ANKRD42: variants seen among roughly 807,000 people sequenced by gnomAD.
The protein encoded by ANKRD42 is ankyrin repeat domain-containing protein 42.
In ANKRD42, 43 loss-of-function variants were observed where a neutral mutation model predicts 51.5. The observed-to-expected ratio is 0.83, with a 90% CI of 0.65 to 1.08. The LOEUF (loss-of-function observed/expected upper bound fraction) is 1.08. Among genes scored for constraint, ANKRD42 ranks in the 50% least tolerant of loss-of-function variants. The probability of loss-of-function intolerance (pLI) is 0.00; values close to 1 mark genes in which losing one functional copy is unlikely to be tolerated. For synonymous variants in ANKRD42, 203 were observed against 213.0 expected (o/e 0.95, Z 0.41); for missense variants, 608 against 629.3 (o/e 0.97, Z 0.36).
intron 6 of ANKRD42, 22 bp downstream of exon 6, chr11:83,225,077 T>G: frequency 6.3e-7 from 1 of 1,587,396 alleles, no homozygotes; most frequent in African/African-American, 1.3e-5. Context: ...AGTTATATGT[T>G]CTAGCATATA....
At chr11:83,263,985 G>A (rs1864088901), downstream of ANKRD42, among the ~76,000 whole-genome samples, 1 of 152,096 alleles carries the variant, frequency 6.6e-6, no homozygotes, top group African/African-American at 2.4e-5. Context: ...CTTTTAGACA[G>A]CAATTTGTTA....
intron 9 of ANKRD42, among the ~76,000 whole-genome samples, 194 bp from the exon 10 acceptor site, chr11:83,245,304 T>A (rs1863510540): frequency 6.6e-6 from 1 of 152,234 alleles, no homozygotes; most frequent in Non-Finnish European, 1.5e-5. Flanking sequence ...ATTTAGGTAT[T>A]CCATTGCGTG....
chr11:83,194,739 C>T lies in ANKRD42; in HGVS notation c.58+11C>T, dbSNP rs375143409. On this transcript the variant is annotated intron_variant, in intron 1 of 10. Transcript: ENST00000533342. ...AGACTGCAAACCCCTGTGAGTCAGA[C>T]TGTCATTGGCCTTCATCTCTGTCGT... 2.2e-5 allele frequency: 35 copies of T among 1,573,882 alleles called. No individual in the cohort carries two copies. In the East Asian group the frequency reaches 6.5e-4, roughly 29 times the overall value.
chr11:83,231,763 G>T (rs990657701), intron 7 of ANKRD42, among the ~76,000 whole-genome samples: 11 of 151,992 alleles, frequency 7.2e-5, no homozygotes, highest in South Asian at 6.2e-4. Context: ...TTTTTTTCTT[G>T]TGCATATGGA....
chr11:83,254,477 G>A (rs988424100), intron 11 of ANKRD42, among the ~76,000 whole-genome samples: 3 of 140,866 alleles, frequency 2.1e-5, no homozygotes, highest in Non-Finnish European at 3.0e-5. Flanking sequence ...TGTAGCACAA[G>A]CTGGAGTGCA....
chr11:83,218,919 T>G (rs967321634), intron 5 of ANKRD42, among the ~76,000 whole-genome samples: 5 of 152,260 alleles, frequency 3.3e-5, no homozygotes, highest in Non-Finnish European at 7.3e-5. Context: ...AAGGGTGTTA[T>G]AATTAATACT....
chr11:83,210,055 C>T (rs1209434582), intron 3 of ANKRD42: 1 of 377,078 alleles, frequency 2.7e-6, no homozygotes, highest in African/African-American at 2.1e-5. Flanking sequence ...CCATTTTATT[C>T]AAGAAATCTG....
rs994637595 is a variant in ANKRD42 at position 83,248,126 on chromosome 11, G to C, written c.1506G>C (p.Lys502Asn). The change falls in exon 11 of 11, where the codon AAG becomes AAC. Residue 502 changes from lysine to asparagine, a missense_variant. Transcript: ENST00000533342. ...TTAATACATTTATTTTTCTCAAGAA[G>C]TATATACAAGAGTGGCCAAGAGTAC... is the stretch of plus-strand genomic sequence containing the variant. The part of the protein sequence containing the change: ...VLFNTFIFLK[K>N]YIQEWPRVQA... 58 of 1,545,528 alleles carry C rather than the reference G, an allele frequency of 3.8e-5. No homozygotes were observed. The highest frequency in any genetic ancestry group is 5.5e-5 in the African/African-American group (4 of 73,036).
chr11:83,260,808 A>G (rs1372816418), downstream of ANKRD42: 2 of 152,210 alleles, frequency 1.3e-5, no homozygotes, highest in East Asian at 3.8e-4. Flanking sequence ...ATTACTTTGT[A>G]AGAAAAAATA....
chr11:83,195,391 G>A (rs1861604184), intron 1 of ANKRD42, among the ~76,000 whole-genome samples: 1 of 152,176 alleles, frequency 6.6e-6, no homozygotes, highest in South Asian at 2.1e-4. Flanking sequence ...ACGGTAGAAT[G>A]CCACTGATTC....
chr11:83,218,733 G>A (rs977440997), intron 5 of ANKRD42, among the ~76,000 whole-genome samples: 54 of 152,142 alleles, frequency 3.5e-4, no homozygotes, highest in African/African-American at 1.3e-3. Context: ...CAGTGGGGGA[G>A]GAGAGTGGGG....
chr11:83,228,889 A>G (rs1862979411), intron 7 of ANKRD42, among the ~76,000 whole-genome samples: 2 of 151,868 alleles, frequency 1.3e-5, no homozygotes, highest in Non-Finnish European at 2.9e-5. Flanking sequence ...TAAACTCTCT[A>G]CTGTGAGATA....
intron 8 of ANKRD42, among the ~76,000 whole-genome samples, chr11:83,238,459 G>A (rs1863285637): frequency 6.6e-6 from 1 of 152,186 alleles, no homozygotes; most frequent in South Asian, 2.1e-4. Flanking sequence ...ATTTTGGGAG[G>A]CCAAGGCAGT....
intron 9 of ANKRD42, among the ~76,000 whole-genome samples, chr11:83,245,190 G>A (rs1367649582): frequency 6.6e-6 from 1 of 152,158 alleles, no homozygotes; most frequent in Non-Finnish European, 1.5e-5. Context: ...GGCGTGAACC[G>A]CCATGCCTGG....
downstream of ANKRD42, chr11:83,261,830 G>T: frequency 2.0e-6 from 2 of 996,606 alleles, no homozygotes; most frequent in Non-Finnish European, 3.1e-6. Flanking sequence ...AATTTTTGCT[G>T]CAACTGACAA....
chr11:83,213,110 C>T, intron 5 of ANKRD42: 3 of 1,601,308 alleles, frequency 1.9e-6, no homozygotes, highest in East Asian at 2.2e-5. Context: ...GTGTAACTGG[C>T]AGAAACCCAG....
intron 7 of ANKRD42, among the ~76,000 whole-genome samples, chr11:83,235,475 G>A (rs1863196339): frequency 6.6e-6 from 1 of 152,294 alleles, no homozygotes; most frequent in East Asian, 1.9e-4. Context: ...GCTTGACTGA[G>A]GTTAGATATA....
In ANKRD42 at chr11:83,210,436, A is replaced by G; in HGVS notation, c.450+17A>G. On this transcript the variant is annotated intron_variant, in intron 4 of 10. Transcript: ENST00000533342. Reference sequence around the variant, plus strand: ...AGTGGAGTGGTGAGTGACTCCTGTTAATATGTGCTAATGTGTGATAATATA... The same window carrying G: ...AGTGGAGTGGTGAGTGACTCCTGTTGATATGTGCTAATGTGTGATAATATA... 6.2e-7 allele frequency: 1 copy of G among 1,613,198 alleles called. No individual in the cohort carries two copies. Among genetic ancestry groups the G allele is most frequent in the African/African-American group, 1.3e-5 (1 of 75,030 alleles).
chr11:83,244,423 T>C (rs666908), intron 9 of ANKRD42, among the ~76,000 whole-genome samples: 43,239 of 152,130 alleles, frequency 0.28, 6,671 homozygotes, highest in Non-Finnish European at 0.35. Flanking sequence ...AGATAAATCA[T>C]TGGTGTTAGG....
Sources: allele counts gnomAD v4.1 joint callset (sites outside exome capture counted in the v4.1 genomes callset), GRCh38; gene constraint gnomAD v4.1.1; transcripts MANE v1.5; gene names NCBI Gene and HGNC (gene_info 2026-07-23, HGNC 2026-07-21).